The following DSC2 variants were observed in gnomAD, a reference collection of about 807,000 sequenced individuals.
The protein encoded by DSC2 is desmocollin-2.
DSC2 carries 51 observed loss-of-function variants against 87.6 expected under a neutral mutation model. That is an observed-to-expected ratio of 0.58 (90% CI 0.46 to 0.74). DSC2 has a LOEUF of 0.74. Among genes scored for constraint, DSC2 ranks in the 30% least tolerant of loss-of-function variants. DSC2 has a pLI of 0.00. For synonymous variants in DSC2, 383 were observed against 393.2 expected (o/e 0.97, Z 0.31); for missense variants, 1,066 against 1,089.5 (o/e 0.98, Z 0.30).
At chr18:31,100,795 G>C (rs1987917175) in intron 1 of DSC2, among the ~76,000 whole-genome samples, 1 of 152,194 alleles carries the variant, frequency 6.6e-6, no homozygotes, top group Admixed American at 6.5e-5. Context: ...AACGCCTTCT[G>C]CTTAAGACAA....
chr18:31,067,874 G>A lies in DSC2; in HGVS notation c.*141C>T. On this transcript the variant is annotated 3_prime_UTR_variant, in exon 16 of 16. Transcript: ENST00000280904. ...GTTTATAGTGTCTCTCTGTAAATGT[G>A]CATTTGACCAAAGAGATTCCATCCA... 1.3e-6 allele frequency: 1 copy of A among 758,240 alleles called. No individual in the cohort carries two copies. Among genetic ancestry groups the A allele is most frequent in the Non-Finnish European group, 2.2e-6 (1 of 462,366 alleles). 47.0% of individuals were successfully genotyped at this position (758,240 alleles called of 1,614,324 possible). A position where few individuals can be genotyped will look rare whatever the true frequency, so the allele number is the denominator to read the frequency against.
chr18:31,092,381 A>C, intron 2 of DSC2, 81 bp from the exon 3 acceptor site: 2 of 1,236,564 alleles, frequency 1.6e-6, no homozygotes, highest in Non-Finnish European at 2.3e-6. Context: ...ACGTGGGGAG[A>C]GCCAAAAACT....
rs1385736797 is a variant in DSC2, at chr18:31,092,197, T to C, written c.258A>G (p.Leu86=). The C allele has an allele frequency of 1.2e-6, 2 of 1,613,554 alleles. No individual in the cohort carries two copies. The highest frequency in any genetic ancestry group is 2.2e-5 in the South Asian group (2 of 91,050). The part of the protein sequence containing the change: ...DGSVYTTNTI[L]LSSEKRSFTI... The stretch of plus-strand genomic sequence containing the variant: ...TAAAACTTCTCTTCTCCGAGGACAA[T>C]AGAATAGTATTTGTTGTATAGACTG... The change falls in exon 3 of 16, where the codon CTA becomes CTG. Residue 86 remains leucine, a synonymous_variant. Transcript: ENST00000280904.
At chr18:31,073,154 T>A (rs898031915) in intron 12 of DSC2, among the ~76,000 whole-genome samples, 1 of 152,118 alleles carries the variant, frequency 6.6e-6, no homozygotes, top group African/African-American at 2.4e-5. Context: ...CTCAGACAAG[T>A]ACATCTTTAA....
Position 31,062,098 on chromosome 18 carries a change from C to A in DSC2, c.*5917G>T, listed in dbSNP as rs1477548177. ...ATTGCCTCTGAGGCTCATTGCTATG[C>A]ATTTCTTTCCCTATTCTCTACTTCT... On this transcript the variant is annotated 3_prime_UTR_variant, in exon 16 of 16. Transcript: ENST00000280904. 1 of 152,196 alleles carries A rather than the reference C, an allele frequency of 6.6e-6. No homozygotes were observed. The highest frequency in any genetic ancestry group is 1.9e-4 in the East Asian group (1 of 5,198). 9.4% of individuals were successfully genotyped at this position (152,196 alleles called of 1,614,324 possible). A position where few individuals can be genotyped will look rare whatever the true frequency, so the allele number is the denominator to read the frequency against.
Position 31,067,791 on chromosome 18 carries a change from C to A in DSC2, c.*224G>T. On this transcript the variant is annotated 3_prime_UTR_variant, in exon 16 of 16. Transcript: ENST00000280904. ...CAGACTTTAATTTCTCTGTAGACCT[C>A]CTTGGATAGAAGATAAGTAATTTAA... is the stretch of plus-strand genomic sequence containing the variant. 1 of 519,086 alleles carries A rather than the reference C, an allele frequency of 1.9e-6. No individual in the cohort carries two copies. The highest frequency in any genetic ancestry group is 3.4e-6 in the Non-Finnish European group (1 of 291,166). The allele number at this position is 519,086 out of a possible 1,614,324, so 32.2% of individuals were successfully genotyped here.
rs187791203 is a variant in DSC2 at position 31,091,482 on chromosome 18, T to C, written c.355-335A>G. The C allele has an allele frequency of 2.2e-3, 1,067 of 477,546 alleles. 10 individuals are homozygous for C. Among genetic ancestry groups the C allele is most frequent in the African/African-American group, 0.018 (941 of 51,106 alleles). 29.6% of individuals were successfully genotyped at this position (477,546 alleles called of 1,614,324 possible). ...ATGGGAGAGAGATATGCAAAGAAAA[T>C]AAGTGTGTATGTGCCCTTCTAAATT... On this transcript the variant is annotated intron_variant, in intron 3 of 15. Transcript: ENST00000280904.
rs1986543711 is a variant in DSC2, at chr18:31,063,555, A to G, written c.*4460T>C. ...TTACAAAGAAAGAGACAATGAGTAAAGACATTGTAAAAAGAGAACTAATCA... is the reference window on the plus strand; with the variant it reads ...TTACAAAGAAAGAGACAATGAGTAAGGACATTGTAAAAAGAGAACTAATCA... On this transcript the variant is annotated 3_prime_UTR_variant, in exon 16 of 16. Coordinates refer to ENST00000280904, the MANE Select transcript of DSC2 (RefSeq NM_024422.6). 6.6e-6 allele frequency: 1 copy of G among 152,200 alleles called. No individual in the cohort carries two copies. The highest frequency in any genetic ancestry group is 1.5e-5 in the Non-Finnish European group (1 of 68,052). The allele number at this position is 152,200 out of a possible 1,614,324, so 9.4% of individuals were successfully genotyped here.
At position 31,061,076 on chromosome 18, in the gene DSC2, T is replaced by G. The variant is rs1036221564; in HGVS notation, c.*6939A>C. ...TGAAAAGTGAAGGCTTCTATACTTT[T>G]CCCCTACTAGCCTGTTACTCCTGTG... On this transcript the variant is annotated 3_prime_UTR_variant, in exon 16 of 16. Transcript: ENST00000280904. 56 of 152,222 alleles carry G rather than the reference T, an allele frequency of 3.7e-4. No homozygotes were observed. Among genetic ancestry groups the G allele is most frequent in the African/African-American group, 1.4e-3 (56 of 41,464 alleles). The allele number at this position is 152,222 out of a possible 1,614,324, so 9.4% of individuals were successfully genotyped here. A position where few individuals can be genotyped will look rare whatever the true frequency, so the allele number is the denominator to read the frequency against.
intron 6 of DSC2, 58 bp from the exon 7 acceptor site, chr18:31,086,800 T>C: frequency 1.3e-6 from 2 of 1,561,498 alleles, no homozygotes; most frequent in South Asian, 2.3e-5. Flanking sequence ...ATGTTCCCTT[T>C]ATTTCATTCC....
rs1986663147 is a variant in DSC2, at chr18:31,067,516, G to A, written c.*499C>T. The stretch of plus-strand genomic sequence containing the variant: ...CTGGCTAGAAATCTCCCTTTGCACA[G>A]TGAAAAGGTCACATTACAAGAATAA... On this transcript the variant is annotated 3_prime_UTR_variant, in exon 16 of 16. Transcript: ENST00000280904. 6.3e-6 allele frequency: 1 copy of A among 159,074 alleles called. No individual in the cohort carries two copies. The allele number at this position is 159,074 out of a possible 1,614,324, so 9.9% of individuals were successfully genotyped here.
At chr18:31,087,428 C>T (rs1012132113) in intron 6 of DSC2, among the ~76,000 whole-genome samples, 3 of 152,158 alleles carry the variant, frequency 2.0e-5, no homozygotes, top group African/African-American at 7.2e-5. Flanking sequence ...TATTGAGCTT[C>T]ACTTCATCTT....
chr18:31,099,512 A>C (rs146026821), intron 1 of DSC2, among the ~76,000 whole-genome samples: 1 of 152,062 alleles, frequency 6.6e-6, no homozygotes, highest in South Asian at 2.1e-4. Context: ...CATTTTTACC[A>C]AACCAAAAAA....
At position 31,071,702 on chromosome 18, in the gene DSC2, G is replaced by A; in HGVS notation, c.2028C>T (p.Asp676=). The change falls in exon 13 of 16, where the codon GAC becomes GAT. Residue 676 remains aspartate, a synonymous_variant. Transcript: ENST00000280904. ...TCCTTGGATCTACACGATGTGTGCA[G>A]TCATTTTCGGTAATGCAGTCACACA... ...VTLCDCITEN[D]CTHRVDPRIG... 6.2e-7 allele frequency: 1 copy of A among 1,614,080 alleles called. No homozygotes were observed. Among genetic ancestry groups the A allele is most frequent in the Admixed American group, 1.7e-5 (1 of 60,022 alleles).
At chr18:31,083,312 C>T (rs542991813) in intron 7 of DSC2, among the ~76,000 whole-genome samples, 101 of 152,302 alleles carry the variant, frequency 6.6e-4, no homozygotes, top group African/African-American at 2.4e-3. Context: ...TGGCTCACTG[C>T]AACCTCTGCC....
Position 31,082,395 on chromosome 18 carries a change from A to C in DSC2, c.1106T>G (p.Val369Gly), listed in dbSNP as rs758970360. 1 of 1,613,590 alleles carries C rather than the reference A, an allele frequency of 6.2e-7. No homozygotes were observed. The highest frequency in any genetic ancestry group is 8.5e-7 in the Non-Finnish European group (1 of 1,179,992). Reference protein sequence around the residue: ...SYVTSVEENTVDVEILRVTVE... With the variant: ...SYVTSVEENTGDVEILRVTVE... ...AGTAACTCGTAAGATTTCCACATCA[A>C]CTGTATTTTCTTCCACTGATGTCAC... The change falls in exon 9 of 16, where the codon GTT becomes GGT. Residue 369 changes from valine (V) to glycine (G), a missense_variant. Coordinates refer to ENST00000280904, the MANE Select transcript of DSC2 (RefSeq NM_024422.6).
intron 4 of DSC2, among the ~76,000 whole-genome samples, chr18:31,090,489 G>C (rs1404650866): frequency 6.6e-6 from 1 of 152,076 alleles, no homozygotes; most frequent in Non-Finnish European, 1.5e-5. Flanking sequence ...TTGGGAGGTT[G>C]AGATGGGAGA....
chr18:31,080,498 T>A lies in DSC2; in HGVS notation c.1264-146A>T, dbSNP rs1987183047. The A allele has an allele frequency of 3.9e-6, 4 of 1,030,206 alleles. No homozygotes were observed. The South Asian group carries it at 4.8e-5, about 12-fold the overall frequency. The allele number at this position is 1,030,206 out of a possible 1,614,324, so 63.8% of individuals were successfully genotyped here. On this transcript the variant is annotated intron_variant, in intron 9 of 15. Coordinates refer to ENST00000280904, the MANE Select transcript of DSC2 (RefSeq NM_024422.6). ...AATATGAAACATATATCCAGTGATA[T>A]GGTTTGGCTCTGTGTCGCCACCCAC...
At position 31,080,344 on chromosome 18, in the gene DSC2, A is replaced by G; in HGVS notation, c.1272T>C (p.Asn424=). 12 of 1,613,854 alleles carry G rather than the reference A, an allele frequency of 7.4e-6. No homozygotes were observed. Among genetic ancestry groups the G allele is most frequent in the Non-Finnish European group, 1.0e-5 (12 of 1,179,862 alleles). ...AGATCATCTGTTGCTTTTCTTCATA[A>G]TTCAAAGGCTACGAAAGCAAATGTA... is the stretch of plus-strand genomic sequence containing the variant. The part of the protein sequence containing the change: ...EGVLCVVKPL[N]YEEKQQMILQ... Residue 424 remains asparagine (N), a synonymous_variant, in exon 10 of 16, where the codon AAT becomes AAC. Transcript: ENST00000280904.
Sources: allele counts gnomAD v4.1 joint callset (sites outside exome capture counted in the v4.1 genomes callset), GRCh38; gene constraint gnomAD v4.1.1; transcripts MANE v1.5; gene names NCBI Gene and HGNC (gene_info 2026-07-23, HGNC 2026-07-21).